Variants in CHST11 observed in about 807,000 individuals in gnomAD.
The protein encoded by CHST11 is carbohydrate sulfotransferase 11.
A neutral mutation model predicts 30.4 loss-of-function variants in CHST11; 9 were observed. The observed-to-expected ratio is 0.30, with a 90% confidence interval of 0.18 to 0.52. The LOEUF (loss-of-function observed/expected upper bound fraction) is 0.52, where lower values mean the gene tolerates loss of function less well. CHST11 is among the 20% of genes least tolerant of loss of function. The pLI, the probability that CHST11 is intolerant of heterozygous loss-of-function variation, is 0.97. For synonymous variants in CHST11, 152 were observed against 187.8 expected (o/e 0.81, Z 1.56); for missense variants, 348 against 460.6 (o/e 0.76, Z 2.24).
chr12:104,517,798 G>A (rs1259879517), intron 1 of CHST11, among the ~76,000 whole-genome samples: 1 of 152,254 alleles, frequency 6.6e-6, no homozygotes, highest in Non-Finnish European at 1.5e-5. Flanking sequence ...TGACAAGGAT[G>A]TGGTGTTCCT....
At chr12:104,633,344 A>AT (rs2039289735) in intron 2 of CHST11, among the ~76,000 whole-genome samples, 1 of 151,730 alleles carries the variant, frequency 6.6e-6, no homozygotes, top group South Asian at 2.1e-4. Flanking sequence ...ATGATTTTAA[A>AT]TTATTGAGTG....
intron 2 of CHST11, among the ~76,000 whole-genome samples, chr12:104,641,166 T>G (rs2039373058): frequency 6.6e-6 from 1 of 152,148 alleles, no homozygotes; most frequent in South Asian, 2.1e-4. Flanking sequence ...GAAAGCCACT[T>G]TCACTGGCAA....
At chr12:104,609,088 C>T (rs1201195360) in intron 2 of CHST11, among the ~76,000 whole-genome samples, 1 of 152,220 alleles carries the variant, frequency 6.6e-6, no homozygotes, top group East Asian at 1.9e-4. Flanking sequence ...TCAGGAAGAA[C>T]GATGCTGAGT....
At chr12:104,618,291 A>G (rs1009730563) in intron 2 of CHST11, among the ~76,000 whole-genome samples, 5 of 142,276 alleles carry the variant, frequency 3.5e-5, no homozygotes, top group African/African-American at 1.3e-4. Context: ...TGGCGCGATC[A>G]TGGCTCACTG....
At chr12:104,628,283 C>T (rs544868887) in intron 2 of CHST11, among the ~76,000 whole-genome samples, 2 of 152,308 alleles carry the variant, frequency 1.3e-5, no homozygotes, top group South Asian at 4.1e-4. Context: ...TCTCTCCAGC[C>T]TCACAAATGC....
chr12:104,486,908 C>T (rs1371742672), intron 1 of CHST11, among the ~76,000 whole-genome samples: 1 of 152,168 alleles, frequency 6.6e-6, no homozygotes, highest in East Asian at 1.9e-4. Context: ...ACATAATAGT[C>T]CAATTCAGCA....
intron 2 of CHST11, among the ~76,000 whole-genome samples, chr12:104,646,360 C>G (rs1302753533): frequency 6.6e-6 from 1 of 152,168 alleles, no homozygotes; most frequent in Non-Finnish European, 1.5e-5. Flanking sequence ...ATGTTGCTTT[C>G]TCAGGGTACC....
rs569947368 is a variant in CHST11 at position 104,532,852 on chromosome 12, A to G, written c.119-69054A>G. Among the ~76,000 whole-genome samples the G allele has an allele frequency of 4.2e-3, 632 of 152,154 alleles. 8 individuals are homozygous for G. Among genetic ancestry groups the G allele is most frequent in the African/African-American group, 0.015 (606 of 41,494 alleles). On this transcript the variant is annotated intron_variant, in intron 1 of 2. Coordinates refer to ENST00000303694, the MANE Select transcript of CHST11 (RefSeq NM_018413.6). ...CCAGACAGTGGCCCCCACACCCACC[A>G]TAACCCTCTGGATGGTCTCATGCTA...
chr12:104,738,099 G>A (rs1017819768), intron 2 of CHST11, among the ~76,000 whole-genome samples: 9 of 152,210 alleles, frequency 5.9e-5, no homozygotes, highest in Non-Finnish European at 1.2e-4. Flanking sequence ...CTGGACCGGT[G>A]TAATTATGTC....
intron 2 of CHST11, among the ~76,000 whole-genome samples, chr12:104,755,284 T>C (rs1421576997): frequency 6.6e-6 from 1 of 152,178 alleles, no homozygotes; most frequent in Non-Finnish European, 1.5e-5. Context: ...TTCTCAGGAC[T>C]CAAAGCCACC....
intron 1 of CHST11, among the ~76,000 whole-genome samples, chr12:104,495,723 A>G (rs1262712775): frequency 6.6e-6 from 1 of 152,170 alleles, no homozygotes; most frequent in African/African-American, 2.4e-5. Context: ...TACCCATTTT[A>G]TAGATGAGGA....
intron 2 of CHST11, among the ~76,000 whole-genome samples, chr12:104,627,559 A>G (rs888208466): frequency 6.6e-6 from 1 of 152,232 alleles, no homozygotes; most frequent in East Asian, 1.9e-4. Flanking sequence ...CAACAAGCGC[A>G]GGTTCAGAGC....
At chr12:104,596,520 A>G (rs1261298946) in intron 1 of CHST11, among the ~76,000 whole-genome samples, 1 of 152,164 alleles carries the variant, frequency 6.6e-6, no homozygotes, top group African/African-American at 2.4e-5. Context: ...GCCTTTCGAG[A>G]CAGCACGGTG....
At chr12:104,657,393 T>A (rs1021089650) in intron 2 of CHST11, among the ~76,000 whole-genome samples, 2 of 152,178 alleles carry the variant, frequency 1.3e-5, no homozygotes, top group African/African-American at 4.8e-5. Flanking sequence ...ACATGATTGA[T>A]TAGAAACTTT....
At chr12:104,638,531 C>T (rs1324149686) in intron 2 of CHST11, among the ~76,000 whole-genome samples, 3 of 152,168 alleles carry the variant, frequency 2.0e-5, no homozygotes, top group African/African-American at 7.2e-5. Flanking sequence ...ATCCACTACT[C>T]TCATGATAAA....
At chr12:104,717,809 G>A (rs1015028487) in intron 2 of CHST11, among the ~76,000 whole-genome samples, 3 of 151,522 alleles carry the variant, frequency 2.0e-5, no homozygotes, top group Non-Finnish European at 4.4e-5. Flanking sequence ...AATTCGCTGG[G>A]CAAGGTGGTG....
At chr12:104,555,442 C>T (rs1340307018) in intron 1 of CHST11, among the ~76,000 whole-genome samples, 1 of 152,176 alleles carries the variant, frequency 6.6e-6, no homozygotes, top group South Asian at 2.1e-4. Context: ...CATTCGTCTT[C>T]TAGACAGGAG....
At chr12:104,666,152 A>G (rs835486) in intron 2 of CHST11, among the ~76,000 whole-genome samples, 48,707 of 151,862 alleles carry the variant, frequency 0.32, 8,001 homozygotes, top group Non-Finnish European at 0.36. Context: ...ACTATCATGT[A>G]TAGAATTAAG....
chr12:104,669,810 G>A (rs554256032), intron 2 of CHST11, among the ~76,000 whole-genome samples: 26 of 152,162 alleles, frequency 1.7e-4, no homozygotes, highest in Admixed American at 3.9e-4. Context: ...CAGCCTGCCC[G>A]TGTCCAGATC....
Sources: gnomAD v4.1 joint callset for allele counts (sites outside exome capture counted in the v4.1 genomes callset) on GRCh38, gnomAD v4.1.1 for gene constraint, MANE v1.5 for transcripts, NCBI Gene and HGNC (gene_info 2026-07-23, HGNC 2026-07-21) for gene names.